Variants in PROSER1 observed in about 807,000 individuals in gnomAD.
PROSER1 encodes the protein proline and serine-rich protein 1.
In PROSER1, 36 loss-of-function variants were observed where a neutral mutation model predicts 71.8. The observed-to-expected ratio is 0.50, with a 90% CI of 0.38 to 0.66. PROSER1 has a LOEUF of 0.66. Among genes scored for constraint, PROSER1 ranks in the 30% least tolerant of loss-of-function variants. PROSER1 has a pLI of 0.00. For synonymous variants in PROSER1, 490 were observed against 452.4 expected (o/e 1.08, Z -1.06); for missense variants, 1,107 against 1,135.0 (o/e 0.98, Z 0.35).
chr13:39,019,665 C>T (rs1352427785), intron 9 of PROSER1, among the ~76,000 whole-genome samples: 2 of 150,290 alleles, frequency 1.3e-5, no homozygotes, highest in African/African-American at 2.5e-5. Context: ...TGGGTGGGGT[C>T]AAGGAGAGAA....
chr13:39,028,262 A>G lies in PROSER1; in HGVS notation c.334T>C (p.Ser112Pro), dbSNP rs1870641149. 6.3e-7 allele frequency: 1 copy of G among 1,596,994 alleles called. No homozygotes were observed. The highest frequency in any genetic ancestry group is 1.3e-5 in the African/African-American group (1 of 74,538). ...PIEDLFRVNMSEKKRCKRILE... is the reference protein window; with the variant it reads ...PIEDLFRVNMPEKKRCKRILE... Reference sequence around the variant, plus strand: ...ATTCTCTTGCACCGTTTCTTCTCAGACATATTTACCCTGAATAAATCTTCA... The same window carrying G: ...ATTCTCTTGCACCGTTTCTTCTCAGGCATATTTACCCTGAATAAATCTTCA... Residue 112 changes from serine to proline, a missense_variant, in exon 5 of 13, where the codon TCT becomes CCT. Ser to Pro is a moderately conservative substitution (Grantham distance 74, BLOSUM62 -1). Coordinates refer to ENST00000352251, the MANE Select transcript of PROSER1 (RefSeq NM_025138.5).
rs190094996 is a variant in PROSER1 at position 39,023,108 on chromosome 13, T to C, written c.587A>G (p.His196Arg). 6.6e-5 allele frequency: 106 copies of C among 1,613,288 alleles called. No homozygotes were observed. The Admixed American group carries it at 7.3e-4, about 11-fold the overall frequency. The change falls in exon 8 of 13, where the codon CAT becomes CGT. Residue 196 changes from histidine (H) to arginine (R), a missense_variant. Coordinates refer to ENST00000352251, the MANE Select transcript of PROSER1 (RefSeq NM_025138.5). The part of the protein sequence containing the change: ...SKPPPSTYNP[H>R]KPVPYPIPPC... ...AGGTATCGGATAAGGAACAGGTTTA[T>C]GTGGATTATATGTTGAAGGAGGCTA...
In PROSER1 at chr13:39,022,539, T is replaced by C. The variant is rs1255664673; in HGVS notation, c.644-127A>G. ...ATTTATTATAAAAACTCCTATTTAA[T>C]ACAGTTGATTTTATATGGAGGTTTA... On this transcript the variant is annotated intron_variant, in intron 8 of 12. Transcript: ENST00000352251. 5.3e-5 allele frequency: 33 copies of C among 626,208 alleles called. 1 individual carries two copies. The South Asian group carries it at 5.3e-4, about 10-fold the overall frequency. The allele number at this position is 626,208 out of a possible 1,614,324, so 38.8% of individuals were successfully genotyped here. A position where few individuals can be genotyped will look rare whatever the true frequency, so the allele number is the denominator to read the frequency against.
rs1871174146 is a variant in PROSER1, at chr13:39,037,445, T to C, written c.-203A>G. ...AAAATTGAGATTCAGAAAAACTCTT[T>C]TTATTAAAAAGAAAAAACACTCCAG... On this transcript the variant is annotated 5_prime_UTR_variant, in exon 1 of 13. Transcript: ENST00000352251. 2 of 566,752 alleles carry C rather than the reference T, an allele frequency of 3.5e-6. No homozygotes were observed. The highest frequency in any genetic ancestry group is 6.3e-5 in the Admixed American group (2 of 31,772). 35.1% of individuals were successfully genotyped at this position (566,752 alleles called of 1,614,324 possible). A position where few individuals can be genotyped will look rare whatever the true frequency, so the allele number is the denominator to read the frequency against.
chr13:39,011,577 G>T, intron 12 of PROSER1, 90 bp from the exon 13 acceptor site: 1 of 1,293,734 alleles, frequency 7.7e-7, no homozygotes, highest in Non-Finnish European at 1.1e-6. Context: ...GAGATATTCA[G>T]AATAGGAAAG....
rs1871203728 is a variant in PROSER1, at chr13:39,037,702, C to T, written c.-460G>A. 1 of 153,104 alleles carries T rather than the reference C, an allele frequency of 6.5e-6. No homozygotes were observed. The highest frequency in any genetic ancestry group is 1.5e-5 in the Non-Finnish European group (1 of 68,774). The allele number at this position is 153,104 out of a possible 1,614,324, so 9.5% of individuals were successfully genotyped here. A position where few individuals can be genotyped will look rare whatever the true frequency, so the allele number is the denominator to read the frequency against. ...TCCACGGGCGGCGGGGAGGGAGGCG[C>T]CGGTCTCTCGACCCGCACCTGCGCC... On this transcript the variant is annotated 5_prime_UTR_variant, in exon 1 of 13. Transcript: ENST00000352251.
chr13:39,031,301 C>T (rs561644211), intron 3 of PROSER1, among the ~76,000 whole-genome samples: 9 of 152,146 alleles, frequency 5.9e-5, no homozygotes, highest in Admixed American at 5.9e-4. Flanking sequence ...GTGCAAAAAA[C>T]CATTAAGAAT....
intron 9 of PROSER1, among the ~76,000 whole-genome samples, chr13:39,018,680 G>A (rs1870136529): frequency 6.6e-6 from 1 of 151,992 alleles, no homozygotes. Context: ...ATTTTTAATG[G>A]AAAAGATGTC....
At chr13:39,011,976 C>T in intron 12 of PROSER1, 107 bp downstream of exon 12, 2 of 1,177,796 alleles carry the variant, frequency 1.7e-6, no homozygotes, top group Non-Finnish European at 2.4e-6. Flanking sequence ...CTGCTAAGAG[C>T]CATTTTTTGC....
Position 39,023,044 on chromosome 13 carries a change from C to T in PROSER1, c.643+8G>A. On this transcript the variant is annotated splice_region_variant and intron_variant, in intron 8 of 12. Coordinates refer to ENST00000352251, the MANE Select transcript of PROSER1 (RefSeq NM_025138.5). ...GAAAAACAAGTAAAAAATAAGGGAA[C>T]TCCTTACTTGGTGCAATAGTTGCAT... 1 of 1,601,388 alleles carries T rather than the reference C, an allele frequency of 6.2e-7. No individual in the cohort carries two copies.
intron 6 of PROSER1, among the ~76,000 whole-genome samples, chr13:39,024,944 TTAAA>T (rs1477542134): frequency 6.6e-6 from 1 of 152,192 alleles, no homozygotes; most frequent in Non-Finnish European, 1.5e-5. Context: ...CCCATATACT[TTAAA>T]TAATCTCTAG....
At chr13:39,036,152 G>C (rs951626269) in intron 1 of PROSER1, among the ~76,000 whole-genome samples, 1 of 152,084 alleles carries the variant, frequency 6.6e-6, no homozygotes, top group African/African-American at 2.4e-5. Flanking sequence ...AAATTTCTAG[G>C]CATATAATTA....
In PROSER1 at chr13:39,022,379, G is replaced by A. The variant is rs570957169; in HGVS notation, c.677C>T (p.Ala226Val). Residue 226 changes from alanine to valine, a missense_variant, in exon 9 of 13, where the codon GCG becomes GTG. Transcript: ENST00000352251. ...AYNNAGLVPL[A>V]NVIAPPPPPY... ...AGGTGGAGGTGGAGCTATGACATTC[G>A]CTAATGGTACCAGACCTGCATTGTT... 1.5e-5 allele frequency: 24 copies of A among 1,612,716 alleles called. No individual in the cohort carries two copies. Among genetic ancestry groups the A allele is most frequent in the African/African-American group, 1.1e-4 (8 of 74,984 alleles).
Position 39,032,245 on chromosome 13 carries a change from G to A in PROSER1, c.112-614C>T, listed in dbSNP as rs114570982. ...ATCTAGTCCCTTAAAAATGTTAAGA[G>A]TCAACATGAATTACTCCAGCAGCCC... On this transcript the variant is annotated intron_variant, in intron 2 of 12. Coordinates refer to ENST00000352251, the MANE Select transcript of PROSER1 (RefSeq NM_025138.5). 4.3e-3 allele frequency among the ~76,000 whole-genome samples: 652 copies of A among 152,286 alleles called. 9 individuals are homozygous for A. The highest frequency in any genetic ancestry group is 0.015 in the African/African-American group (631 of 41,544).
At position 39,031,589 on chromosome 13, in the gene PROSER1, A is replaced by G. The variant is rs774276805; in HGVS notation, c.154T>C (p.Leu52=). The part of the protein sequence containing the change: ...LRYFSWAEPQ[L]KAMKALQHKM... ...TGCTGTAATGCTTTCATTGCCTTCA[A>G]CTGGGGCTCGGCCCAGGAAAAATAT... The change falls in exon 3 of 13, where the codon TTG becomes CTG. Residue 52 remains leucine (L), a synonymous_variant. Coordinates refer to ENST00000352251, the MANE Select transcript of PROSER1 (RefSeq NM_025138.5). 3 of 1,613,100 alleles carry G rather than the reference A, an allele frequency of 1.9e-6. No homozygotes were observed. Among genetic ancestry groups the G allele is most frequent in the East Asian group, 2.2e-5 (1 of 44,872 alleles).
At chr13:39,035,822 CA>C (rs1871075352) in intron 1 of PROSER1, among the ~76,000 whole-genome samples, 1 of 152,096 alleles carries the variant, frequency 6.6e-6, no homozygotes, top group South Asian at 2.1e-4. Flanking sequence ...TTAGATATGC[CA>C]ATATTTTATT....
chr13:39,029,824 T>C (rs1030098257), intron 3 of PROSER1, among the ~76,000 whole-genome samples: 53 of 152,116 alleles, frequency 3.5e-4, no homozygotes, highest in African/African-American at 1.3e-3. Context: ...CAAAAAAAGG[T>C]TACACTAGCC....
intron 10 of PROSER1, among the ~76,000 whole-genome samples, chr13:39,016,078 C>T (rs780052255): frequency 5.3e-5 from 8 of 152,090 alleles, no homozygotes; most frequent in Non-Finnish European, 1.0e-4. Context: ...TTTATAGCAG[C>T]CTCTGTTGGA....
chr13:39,036,870 T>C (rs769521959), intron 1 of PROSER1, among the ~76,000 whole-genome samples: 1 of 152,176 alleles, frequency 6.6e-6, no homozygotes, highest in Non-Finnish European at 1.5e-5. Flanking sequence ...TACTGAAAGA[T>C]GAGGCAATAA....
Sources: gnomAD v4.1 joint callset for allele counts (sites outside exome capture counted in the v4.1 genomes callset) on GRCh38, gnomAD v4.1.1 for gene constraint, MANE v1.5 for transcripts, NCBI Gene and HGNC (gene_info 2026-07-23, HGNC 2026-07-21) for gene names.